The following CCNQ variants were observed in gnomAD, a reference collection of about 807,000 sequenced individuals.
CCNQ encodes the protein cyclin Q, also known as cyclin-Q.
Under a neutral mutation model 17.7 loss-of-function variants are expected in CCNQ, and 3 were observed. The observed-to-expected ratio is 0.17, with a 90% CI of 0.08 to 0.44. The LOEUF is 0.44. Ranked by LOEUF, CCNQ falls within the 20% of genes least tolerant of loss-of-function variation. CCNQ has a pLI of 0.99. For synonymous variants in CCNQ, 73 were observed against 96.0 expected (o/e 0.76, Z 1.40); for missense variants, 146 against 222.6 (o/e 0.66, Z 2.19).
intron 1 of CCNQ, chrX:153,597,522 T>C (rs1280106498): frequency 8.9e-6 from 1 of 111,960 alleles, no homozygotes; most frequent in African/African-American, 3.3e-5. Context: ...TGGCCTTCTC[T>C]GACGGTGACT....
chrX:153,592,807 T>C, intron 3 of CCNQ, 74 bp from the exon 4 acceptor site: 9 of 947,906 alleles, frequency 9.5e-6, no homozygotes, highest in Non-Finnish European at 1.3e-5. Context: ...TATCAGCACC[T>C]GCTCCAACCC....
chrX:153,599,119 G>A lies in CCNQ; in HGVS notation c.-46C>T. ...GAAGGAGAGGCGGCCCCGGCGCGCA[G>A]AAGCCGGCAGAACTGGAGGTGCTCG... On this transcript the variant is annotated 5_prime_UTR_variant, in exon 1 of 5. Coordinates refer to ENST00000576892, the MANE Select transcript of CCNQ (RefSeq NM_152274.5). 5 of 719,347 alleles carry A rather than the reference G, an allele frequency of 7.0e-6. No individual in the cohort carries two copies. The highest frequency in any genetic ancestry group is 8.7e-6 in the Non-Finnish European group (5 of 572,232). The allele number at this position is 719,347 out of a possible 1,213,427, so 59.3% of individuals were successfully genotyped here.
chrX:153,599,135 G>C lies in CCNQ; in HGVS notation c.-62C>G. 7.0e-6 allele frequency: 4 copies of C among 569,704 alleles called. No individual in the cohort carries two copies. Among genetic ancestry groups the C allele is most frequent in the Non-Finnish European group, 4.4e-6 (2 of 455,720 alleles). 47.0% of individuals were successfully genotyped at this position (569,704 alleles called of 1,213,427 possible). A position where few individuals can be genotyped will look rare whatever the true frequency, so the allele number is the denominator to read the frequency against. On this transcript the variant is annotated 5_prime_UTR_variant, in exon 1 of 5. Transcript: ENST00000576892. ...CGGCGCGCAGAAGCCGGCAGAACTGGAGGTGCTCGCGGCGGGCGCTGCCGC... is the reference window on the plus strand; with the variant it reads ...CGGCGCGCAGAAGCCGGCAGAACTGCAGGTGCTCGCGGCGGGCGCTGCCGC...
rs2091049958 is a variant in CCNQ, at chrX:153,599,094, G to A, written c.-21C>T. On this transcript the variant is annotated 5_prime_UTR_variant, in exon 1 of 5. Coordinates refer to ENST00000576892, the MANE Select transcript of CCNQ (RefSeq NM_152274.5). ...TCCATGAGGCGCCGCGGCACCGGCG[G>A]AAGGAGAGGCGGCCCCGGCGCGCAG... 3 of 896,481 alleles carry A rather than the reference G, an allele frequency of 3.3e-6. No homozygotes were observed. The highest frequency in any genetic ancestry group is 2.8e-6 in the Non-Finnish European group (2 of 704,938). The allele number at this position is 896,481 out of a possible 1,213,427, so 73.9% of individuals were successfully genotyped here.
chrX:153,594,756 C>T, intron 2 of CCNQ, 77 bp from the exon 3 acceptor site: 2 of 1,059,825 alleles, frequency 1.9e-6, no homozygotes, highest in Non-Finnish European at 2.6e-6. Flanking sequence ...GCTTAAGTCA[C>T]ACAATGTCCA....
At chrX:153,590,271 G>A (rs1346542020) in intron 4 of CCNQ, among the ~76,000 whole-genome samples, 2 of 72,471 alleles carry the variant, frequency 2.8e-5, no homozygotes, top group African/African-American at 1.0e-4. Context: ...AGGCCAAAAC[G>A]TGGAAGCAGC....
At chrX:153,597,044 G>C (rs2091033315) in intron 1 of CCNQ, among the ~76,000 whole-genome samples, 1 of 112,025 alleles carries the variant, frequency 8.9e-6, no homozygotes, top group East Asian at 2.8e-4. Flanking sequence ...TTCTACTTAG[G>C]GGTTAAAGCC....
In CCNQ at chrX:153,587,955, T is replaced by C; in HGVS notation, c.*410A>G. On this transcript the variant is annotated 3_prime_UTR_variant, in exon 5 of 5. Transcript: ENST00000576892. ...TTGTATCACCTTTTATTACACAAAA[T>C]AGATTTCAGCCACGTTGCACATTCA... is the stretch of plus-strand genomic sequence containing the variant. The C allele has an allele frequency of 3.5e-6, 1 of 283,837 alleles. No homozygotes were observed. Among genetic ancestry groups the C allele is most frequent in the Non-Finnish European group, 6.4e-6 (1 of 155,132 alleles). The allele number at this position is 283,837 out of a possible 1,213,427, so 23.4% of individuals were successfully genotyped here.
At chrX:153,597,968 C>T (rs782701996) in intron 1 of CCNQ, among the ~76,000 whole-genome samples, 4 of 111,246 alleles carry the variant, frequency 3.6e-5, no homozygotes, top group Non-Finnish European at 5.6e-5. Flanking sequence ...TTGCAAATTA[C>T]AGTAAATTTA....
intron 4 of CCNQ, among the ~76,000 whole-genome samples, chrX:153,591,607 C>CA (rs1161993026): frequency 9.0e-6 from 1 of 111,447 alleles, no homozygotes; most frequent in Non-Finnish European, 1.9e-5. Flanking sequence ...TTTGCCCCCC[C>CA]CAGAGTCCAA....
chrX:153,588,067 G>A lies in CCNQ; in HGVS notation c.*298C>T. The A allele has an allele frequency of 2.3e-6, 1 of 444,083 alleles. No individual in the cohort carries two copies. Among genetic ancestry groups the A allele is most frequent in the Non-Finnish European group, 4.1e-6 (1 of 245,417 alleles). The allele number at this position is 444,083 out of a possible 1,213,427, so 36.6% of individuals were successfully genotyped here. ...CTTTCCTTTCATTGATGTCATGCCTGTATTGTAGTCAAAGTCCTCTCAAAG... is the reference window on the plus strand; with the variant it reads ...CTTTCCTTTCATTGATGTCATGCCTATATTGTAGTCAAAGTCCTCTCAAAG... On this transcript the variant is annotated 3_prime_UTR_variant, in exon 5 of 5. Transcript: ENST00000576892.
chrX:153,596,538 C>T (rs1400472143), intron 1 of CCNQ, among the ~76,000 whole-genome samples: 1 of 112,698 alleles, frequency 8.9e-6, no homozygotes, highest in Non-Finnish European at 1.9e-5. Context: ...ACTGGCATAG[C>T]AGCTTCTGCA....
chrX:153,594,251 G>A lies in CCNQ; in HGVS notation c.429+296C>T, dbSNP rs1385497032. Among the ~76,000 whole-genome samples, 10 of 112,552 alleles carry A rather than the reference G, an allele frequency of 8.9e-5. No individual in the cohort carries two copies. The Admixed American group carries it at 9.4e-4, about 11-fold the overall frequency. Reference sequence around the variant, plus strand: ...GCCCAGCGTGCACACCATCTATATGGACCACAGGAGCTGCCACAGCTTCAG... The same window carrying A: ...GCCCAGCGTGCACACCATCTATATGAACCACAGGAGCTGCCACAGCTTCAG... On this transcript the variant is annotated intron_variant, in intron 3 of 4. Coordinates refer to ENST00000576892, the MANE Select transcript of CCNQ (RefSeq NM_152274.5).
rs1557026982 is a variant in CCNQ, at chrX:153,596,039, G to A, written c.261C>T (p.His87=). 8.3e-7 allele frequency: 1 copy of A among 1,210,790 alleles called. No individual in the cohort carries two copies. The part of the protein sequence containing the change: ...IYLAGKVEEQ[H]LRTRDIINVS... ...CATTGATGATGTCACGAGTCCGCAG[G>A]TGCTGCTCTTCCACTTTGCCGGCCA... The change falls in exon 2 of 5, where the codon CAC becomes CAT. Residue 87 remains histidine, a synonymous_variant. Coordinates refer to ENST00000576892, the MANE Select transcript of CCNQ (RefSeq NM_152274.5).
At position 153,594,619 on chromosome X, in the gene CCNQ, G is replaced by A; in HGVS notation, c.357C>T (p.Asp119=). ...ELDSRFWELR[D]SIVQCELLML... ...TGAGAAGCTCACACTGCACGATGCT[G>A]TCCCGGAGTTCCCAGAAGCGGGAGT... Residue 119 remains aspartate (D), a synonymous_variant, in exon 3 of 5, where the codon GAC becomes GAT. Transcript: ENST00000576892. The A allele has an allele frequency of 1.7e-6, 2 of 1,211,408 alleles. No individual in the cohort carries two copies. The highest frequency in any genetic ancestry group is 3.0e-5 in the East Asian group (1 of 33,862).
chrX:153,593,713 G>A (rs1282326779), intron 3 of CCNQ, among the ~76,000 whole-genome samples: 3 of 112,399 alleles, frequency 2.7e-5, no homozygotes, highest in East Asian at 5.6e-4. Flanking sequence ...GAACGGAGTC[G>A]TGATAAAATG....
chrX:153,590,231 T>TA (rs59053078), intron 4 of CCNQ, among the ~76,000 whole-genome samples: 614 of 26,447 alleles, frequency 0.023, 140 homozygotes, highest in African/African-American at 0.1. Context: ...CTGTCTCTAT[T>TA]AAAAAAAAAA....
chrX:153,590,008 A>C (rs975857015), intron 4 of CCNQ, among the ~76,000 whole-genome samples: 2 of 109,947 alleles, frequency 1.8e-5, no homozygotes, highest in Non-Finnish European at 3.8e-5. Flanking sequence ...CGGGTGGATC[A>C]CTGGAGGTCA....
chrX:153,596,637 C>T (rs1235446040), intron 1 of CCNQ, among the ~76,000 whole-genome samples: 1 of 112,849 alleles, frequency 8.9e-6, no homozygotes, highest in Admixed American at 9.3e-5. Context: ...ACAGCTACGA[C>T]GACAGAAAAG....
Sources: gnomAD v4.1 joint callset for allele counts (sites outside exome capture counted in the v4.1 genomes callset) on GRCh38, gnomAD v4.1.1 for gene constraint, MANE v1.5 for transcripts, NCBI Gene and HGNC (gene_info 2026-07-23, HGNC 2026-07-21) for gene names.